Variants in HID1 observed in about 807,000 individuals in gnomAD.
HID1 encodes the protein protein HID1.
Under a neutral mutation model 89.7 loss-of-function variants are expected in HID1, and 42 were observed. The ratio of observed to expected loss-of-function variants is 0.47; its 90% confidence interval spans 0.37 to 0.61. HID1 has a LOEUF of 0.61. Among genes scored for constraint, HID1 ranks in the 20% least tolerant of loss-of-function variants. The pLI is 0.00. For synonymous variants in HID1, 442 were observed against 433.8 expected (o/e 1.02, Z -0.24); for missense variants, 854 against 1,039.3 (o/e 0.82, Z 2.45).
At chr17:74,953,509 C>A in intron 15 of HID1, 36 bp downstream of exon 15, 1 of 1,571,932 alleles carries the variant, frequency 6.4e-7, no homozygotes, top group Non-Finnish European at 8.7e-7. Context: ...AGGGAAGGGC[C>A]AGCCACGCCC....
intron 1 of HID1, among the ~76,000 whole-genome samples, chr17:74,966,352 G>A (rs2039563499): frequency 6.6e-6 from 1 of 150,884 alleles, no homozygotes; most frequent in Non-Finnish European, 1.5e-5. Context: ...CTCTCTCTCT[G>A]GGTGGTTTTA....
At chr17:74,952,911 C>T (rs1598614762) in intron 16 of HID1, 95 bp downstream of exon 16, 4 of 936,642 alleles carry the variant, frequency 4.3e-6, no homozygotes, top group African/African-American at 1.7e-5. Flanking sequence ...CTTCACTGAG[C>T]TTCCCTGGGC....
chr17:74,963,181 G>C (rs2039511433), intron 3 of HID1, 100 bp from the exon 4 acceptor site: 1 of 767,176 alleles, frequency 1.3e-6, no homozygotes, highest in Non-Finnish European at 2.1e-6. Flanking sequence ...AGCCCAGGCG[G>C]GCACCCATGG....
intron 6 of HID1, among the ~76,000 whole-genome samples, chr17:74,960,971 A>G (rs1390009731): frequency 9.0e-6 from 1 of 111,264 alleles, no homozygotes; most frequent in African/African-American, 3.5e-5. Flanking sequence ...TGTCCCCCAC[A>G]GTCCATGAGT....
chr17:74,970,500 C>T (rs539276865), intron 1 of HID1, among the ~76,000 whole-genome samples: 1 of 152,200 alleles, frequency 6.6e-6, no homozygotes, highest in Non-Finnish European at 1.5e-5. Flanking sequence ...CTGGGACTGT[C>T]TCCCTCCAGA....
chr17:74,964,692 C>T, intron 1 of HID1, 60 bp from the exon 2 acceptor site: 3 of 1,543,042 alleles, frequency 1.9e-6, no homozygotes, highest in Non-Finnish European at 1.8e-6. Flanking sequence ...CTACACTTTG[C>T]CCAACTTGTG....
In HID1 at chr17:74,956,060, G is replaced by A. The variant is rs963232596; in HGVS notation, c.1472-104C>T. 16 of 1,171,412 alleles carry A rather than the reference G, an allele frequency of 1.4e-5. No homozygotes were observed. The African/African-American group carries it at 2.0e-4, about 15-fold the overall frequency. 72.6% of individuals were successfully genotyped at this position (1,171,412 alleles called of 1,614,324 possible). On this transcript the variant is annotated intron_variant, in intron 12 of 18. Coordinates refer to ENST00000425042, the MANE Select transcript of HID1 (RefSeq NM_030630.3). ...AGGCTCCTGCTCTCAATCCCTCCCTGCCCCCTGCAGAGCCAGGACGACCAA... is the reference window on the plus strand; with the variant it reads ...AGGCTCCTGCTCTCAATCCCTCCCTACCCCCTGCAGAGCCAGGACGACCAA...
chr17:74,954,137 C>A lies in HID1; in HGVS notation c.1864+1G>T. 1 of 1,592,840 alleles carries A rather than the reference C, an allele frequency of 6.3e-7. No individual in the cohort carries two copies. Among genetic ancestry groups the A allele is most frequent in the Non-Finnish European group, 8.5e-7 (1 of 1,170,758 alleles). On this transcript the variant is annotated splice_donor_variant, in intron 14 of 18. Coordinates refer to ENST00000425042, the MANE Select transcript of HID1 (RefSeq NM_030630.3). LOFTEE classifies it high-confidence loss of function. ...TCCTGTCCCATCCACTAGCACCAGA[C>A]CTGGAGTAGCCACCAGACTGGTCTT... is the stretch of plus-strand genomic sequence containing the variant.
chr17:74,954,241 G>C lies in HID1; in HGVS notation c.1761C>G (p.Pro587=). 2 of 1,593,742 alleles carry C rather than the reference G, an allele frequency of 1.3e-6. No individual in the cohort carries two copies. The highest frequency in any genetic ancestry group is 1.7e-6 in the Non-Finnish European group (2 of 1,171,340). Residue 587 remains proline, a synonymous_variant, in exon 14 of 19, where the codon CCC becomes CCG. Transcript: ENST00000425042. The part of the protein sequence containing the change: ...ALQRRRRTPE[P]LSRTGSQEGT... The stretch of plus-strand genomic sequence containing the variant: ...CCTCCTGGGAGCCGGTGCGAGACAA[G>C]GGCTCAGGTGTCCGCCGGCGCCGCT...
At chr17:74,954,464 A>T in intron 13 of HID1, 99 bp from the exon 14 acceptor site, 4 of 1,534,906 alleles carry the variant, frequency 2.6e-6, no homozygotes, top group Non-Finnish European at 3.5e-6. Flanking sequence ...GGAGGACAGG[A>T]GGGTGTCTGC....
chr17:74,966,047 G>T (rs2039557450), intron 1 of HID1, among the ~76,000 whole-genome samples: 1 of 151,982 alleles, frequency 6.6e-6, no homozygotes, highest in African/African-American at 2.4e-5. Flanking sequence ...AACACTTTGG[G>T]AGACTGAGGC....
At chr17:74,954,589 A>G in intron 13 of HID1, 4 of 721,228 alleles carry the variant, frequency 5.5e-6, no homozygotes, top group South Asian at 1.9e-5. Flanking sequence ...GCACCTCACA[A>G]CACCCCCGCC....
chr17:74,958,454 C>G lies in HID1; in HGVS notation c.1265G>C (p.Gly422Ala). ...DQSRVGLMHI[G>A]VFILLLLSGE... ...GCTCAGAAGCAGCAAGATGAAGACA[C>G]CAATGTGCATCAGGCCCACCCGAGC... Residue 422 changes from glycine (G) to alanine (A), a missense_variant, in exon 11 of 19, where the codon GGT (glycine) becomes GCT (alanine). Physicochemically the swap from Gly to Ala is moderately conservative, Grantham distance 60 (BLOSUM62 0). Coordinates refer to ENST00000425042, the MANE Select transcript of HID1 (RefSeq NM_030630.3). The surrounding 1 kb of genome is among the most constrained non-coding windows in gnomAD (Gnocchi z 5.2). The G allele has an allele frequency of 6.3e-7, 1 of 1,599,336 alleles. No homozygotes were observed. Among genetic ancestry groups the G allele is most frequent in the Non-Finnish European group, 8.5e-7 (1 of 1,173,100 alleles).
chr17:74,965,058 C>T (rs183499457), intron 1 of HID1, among the ~76,000 whole-genome samples: 294 of 152,348 alleles, frequency 1.9e-3, no homozygotes, highest in Non-Finnish European at 2.7e-3. Context: ...ACTTGTACTC[C>T]GTTTCCAGTC....
At position 74,972,689 on chromosome 17, in the gene HID1, C is replaced by A; in HGVS notation, c.-33G>T. 1.3e-6 allele frequency: 2 copies of A among 1,525,422 alleles called. No individual in the cohort carries two copies. Among genetic ancestry groups the A allele is most frequent in the Admixed American group, 4.1e-5 (2 of 49,154 alleles). The allele number at this position is 1,525,422 out of a possible 1,614,324, so 94.5% of individuals were successfully genotyped here. On this transcript the variant is annotated 5_prime_UTR_variant, in exon 1 of 19. Transcript: ENST00000425042. This position sits in a 1 kb window ranked among gnomAD's most constrained non-coding sequence, Gnocchi z 6.4. ...GAGCCCGCTCCGGCCCGGCCCCCGC[C>A]CAGACTCCAACCCGGCTCCGGCTTC...
At position 74,958,461 on chromosome 17, in the gene HID1, G is replaced by A; in HGVS notation, c.1258C>T (p.His420Tyr). 1 of 1,597,314 alleles carries A rather than the reference G, an allele frequency of 6.3e-7. No individual in the cohort carries two copies. The highest frequency in any genetic ancestry group is 8.5e-7 in the Non-Finnish European group (1 of 1,172,050). Residue 420 changes from histidine (H) to tyrosine (Y), a missense_variant, in exon 11 of 19, where the codon CAC (histidine) becomes TAC (tyrosine). By Grantham distance (83) the His-to-Tyr change is moderately conservative (BLOSUM62 2). Transcript: ENST00000425042. This position sits in a 1 kb window ranked among gnomAD's most constrained non-coding sequence, Gnocchi z 5.2. ...RADQSRVGLM[H>Y]IGVFILLLLS... Reference sequence around the variant, plus strand: ...AGCAGCAAGATGAAGACACCAATGTGCATCAGGCCCACCCGAGCTGCGGCA... The same window carrying A: ...AGCAGCAAGATGAAGACACCAATGTACATCAGGCCCACCCGAGCTGCGGCA...
intron 14 of HID1, among the ~76,000 whole-genome samples, 181 bp from the exon 15 acceptor site, chr17:74,953,832 A>G (rs1333103473): frequency 6.6e-6 from 1 of 151,984 alleles, no homozygotes; most frequent in East Asian, 1.9e-4. Flanking sequence ...TCCAGAGTCT[A>G]CACTCGCCCT....
At chr17:74,957,319 CAAAA>C (rs11290713) in intron 12 of HID1, among the ~76,000 whole-genome samples, 1 of 139,656 alleles carries the variant, frequency 7.2e-6, no homozygotes, top group Non-Finnish European at 1.5e-5. Flanking sequence ...ACTAAAAATA[CAAAA>C]AAAAAAAAAA....
Position 74,958,849 on chromosome 17 carries a change from C to A in HID1, c.1149+62G>T, listed in dbSNP as rs2039436107. On this transcript the variant is annotated intron_variant, in intron 9 of 18. Transcript: ENST00000425042. This position sits in a 1 kb window ranked among gnomAD's most constrained non-coding sequence, Gnocchi z 5.2. Reference sequence around the variant, plus strand: ...CCCCCTCAGTCTGACACTGTCCCTGCCCCCGGGTTATTGGGGCAGCTGCTC... The same window carrying A: ...CCCCCTCAGTCTGACACTGTCCCTGACCCCGGGTTATTGGGGCAGCTGCTC... 6.3e-7 allele frequency: 1 copy of A among 1,583,082 alleles called. No individual in the cohort carries two copies. Among genetic ancestry groups the A allele is most frequent in the African/African-American group, 1.3e-5 (1 of 74,202 alleles).
Sources: gnomAD v4.1 joint callset for allele counts (sites outside exome capture counted in the v4.1 genomes callset) on GRCh38, gnomAD v4.1.1 for gene constraint, Gnocchi (gnomAD v3.1) non-coding constraint, MANE v1.5 for transcripts, NCBI Gene and HGNC (gene_info 2026-07-23, HGNC 2026-07-21) for gene names.